MAN1A2: variants seen among roughly 807,000 people sequenced by gnomAD.
The protein encoded by MAN1A2 is mannosidase alpha class 1A member 2, also known as mannosyl-oligosaccharide 1,2-alpha-mannosidase IB.
MAN1A2 carries 26 observed loss-of-function variants against 75.7 expected under a neutral mutation model. The observed-to-expected ratio is 0.34, with a 90% CI of 0.25 to 0.48. The LOEUF (loss-of-function observed/expected upper bound fraction) is 0.48, where lower values mean the gene tolerates loss of function less well. MAN1A2 is among the 20% of genes least tolerant of loss of function. The pLI is 0.99. For synonymous variants in MAN1A2, 247 were observed against 264.6 expected, an observed-to-expected ratio of 0.93 and a Z score of 0.65; for missense variants, 562 against 775.5, an observed-to-expected ratio of 0.72 and a Z score of 3.27.
chr1:117,402,498 CAA>C, intron 2 of MAN1A2, 57 bp downstream of exon 2: 3 of 1,426,994 alleles, frequency 2.1e-6, no homozygotes, highest in Non-Finnish European at 1.9e-6. Flanking sequence ...TGGATACAAA[CAA>C]ATATATATAA....
At chr1:117,488,921 G>A (rs922418754) in intron 8 of MAN1A2, among the ~76,000 whole-genome samples, 7 of 151,984 alleles carry the variant, frequency 4.6e-5, no homozygotes, top group South Asian at 2.1e-4. Context: ...TTAGAGCATC[G>A]CTTAGCCCAG....
At position 117,526,776 on chromosome 1, in the gene MAN1A2, A is replaced by T. The variant is rs1652030892; in HGVS notation, c.*3819A>T. 3 of 147,322 alleles carry T rather than the reference A, an allele frequency of 2.0e-5. No individual in the cohort carries two copies. The highest frequency in any genetic ancestry group is 4.5e-5 in the Non-Finnish European group (3 of 66,900). The allele number at this position is 147,322 out of a possible 1,614,324, so 9.1% of individuals were successfully genotyped here. ...AAAGTTCCAAATAACAGTTCCTAGT[A>T]ATAGTATTTTGAGTTATTTTTCTTT... On this transcript the variant is annotated 3_prime_UTR_variant, in exon 13 of 13. Coordinates refer to ENST00000356554, the MANE Select transcript of MAN1A2 (RefSeq NM_006699.5).
intron 1 of MAN1A2, among the ~76,000 whole-genome samples, chr1:117,398,981 G>GTTTA: frequency 6.6e-6 from 1 of 152,264 alleles, no homozygotes; most frequent in Admixed American, 6.5e-5. Context: ...TATTACAGTA[G>GTTTA]TTTAGGTGAG....
At chr1:117,372,709 G>A (rs138010683) in intron 1 of MAN1A2, among the ~76,000 whole-genome samples, 132 of 151,578 alleles carry the variant, frequency 8.7e-4, no homozygotes, top group Middle Eastern at 3.5e-3. Context: ...AGTAATATAC[G>A]TAAGTATACT....
At position 117,402,275 on chromosome 1, in the gene MAN1A2, A is replaced by C. The variant is rs1243327588; in HGVS notation, c.392A>C (p.Glu131Ala). ...EAKEKLRKSR[E>A]EIRAEIQTEK... is the part of the protein sequence containing the mutation. ...AAAGAAAAATTAAGAAAGTCAAGAG[A>C]GGAAATTCGAGCAGAAATTCAGACA... Residue 131 changes from glutamate (E) to alanine (A), a missense_variant, in exon 2 of 13, where the codon GAG becomes GCG. Coordinates refer to ENST00000356554, the MANE Select transcript of MAN1A2 (RefSeq NM_006699.5). The C allele has an allele frequency of 2.5e-6, 4 of 1,613,894 alleles. No individual in the cohort carries two copies. Among genetic ancestry groups the C allele is most frequent in the Non-Finnish European group, 3.4e-6 (4 of 1,179,824 alleles).
Position 117,378,661 on chromosome 1 carries a change from C to T in MAN1A2, c.302+10176C>T, listed in dbSNP as rs116303007. ...GACTCTAAATTTTTTTGTTTACAGC[C>T]CCTGAAGTGGTTATTATACCAGTTT... is the stretch of plus-strand genomic sequence containing the variant. On this transcript the variant is annotated intron_variant, in intron 1 of 12. Transcript: ENST00000356554. Among the ~76,000 whole-genome samples, 910 of 152,072 alleles carry T rather than the reference C, an allele frequency of 6.0e-3. 12 individuals carry two copies. The highest frequency in any genetic ancestry group is 0.021 in the African/African-American group (859 of 41,456).
At chr1:117,437,609 A>T (rs1373363108) in intron 5 of MAN1A2, among the ~76,000 whole-genome samples, 2 of 152,208 alleles carry the variant, frequency 1.3e-5, no homozygotes, top group African/African-American at 4.8e-5. Flanking sequence ...GTCTAGGTTT[A>T]AATTCAGACT....
intron 3 of MAN1A2, among the ~76,000 whole-genome samples, chr1:117,406,754 T>C (rs1647631121): frequency 6.6e-6 from 1 of 152,124 alleles, no homozygotes. Flanking sequence ...TACTGCTTTG[T>C]GGATGTCACA....
intron 12 of MAN1A2, 57 bp from the exon 13 acceptor site, chr1:117,522,768 A>G (rs569016150): frequency 6.6e-7 from 1 of 1,510,568 alleles, no homozygotes; most frequent in East Asian, 2.3e-5. Context: ...AAGTGAGCTC[A>G]CTTCATGTTC....
At chr1:117,462,368 A>C (rs1466579793) in intron 7 of MAN1A2, among the ~76,000 whole-genome samples, 1 of 152,188 alleles carries the variant, frequency 6.6e-6, no homozygotes. Context: ...AGAATATGAT[A>C]CAATTTTTAT....
intron 6 of MAN1A2, among the ~76,000 whole-genome samples, chr1:117,445,882 G>A (rs367868018): frequency 0.44 from 57,238 of 131,386 alleles, 13,573 homozygotes; most frequent in Non-Finnish European, 0.52. Context: ...GTCTGTGTGT[G>A]TGTATATATA....
chr1:117,466,266 C>A, intron 7 of MAN1A2, 68 bp from the exon 8 acceptor site: 1 of 1,006,542 alleles, frequency 9.9e-7, no homozygotes, highest in Non-Finnish European at 1.5e-6. Flanking sequence ...AACACAAAGC[C>A]TACATTAAAA....
At chr1:117,442,841 T>C (rs1208185143) in intron 6 of MAN1A2, among the ~76,000 whole-genome samples, 2 of 152,202 alleles carry the variant, frequency 1.3e-5, no homozygotes, top group African/African-American at 4.8e-5. Flanking sequence ...TCTACACTAG[T>C]GAAGTTCAAA....
Position 117,493,191 on chromosome 1 carries a change from T to G in MAN1A2, c.1213T>G (p.Leu405Val). ...CCTGGGAGACAGTTTTTATGAATACTTACTGAAAGCATGGTTGATGTCAGA... is the reference window on the plus strand; with the variant it reads ...CCTGGGAGACAGTTTTTATGAATACGTACTGAAAGCATGGTTGATGTCAGA... ...GGLGDSFYEY[L>V]LKAWLMSDKT... Residue 405 changes from leucine to valine, a missense_variant, in exon 9 of 13, where the codon TTA becomes GTA. Physicochemically the swap from Leu to Val is conservative, Grantham distance 32. Coordinates refer to ENST00000356554, the MANE Select transcript of MAN1A2 (RefSeq NM_006699.5). The G allele has an allele frequency of 6.2e-7, 1 of 1,612,386 alleles. No individual in the cohort carries two copies. Among genetic ancestry groups the G allele is most frequent in the Non-Finnish European group, 8.5e-7 (1 of 1,179,022 alleles).
Position 117,429,409 on chromosome 1 carries a change from G to A in MAN1A2, c.855+8760G>A, listed in dbSNP as rs1440133475. On this transcript the variant is annotated intron_variant, in intron 5 of 12. Transcript: ENST00000356554. The stretch of plus-strand genomic sequence containing the variant: ...CAGAGGCGCCCCTCACCTCCCGGAC[G>A]GGGCGGCTGGCCGGGCAGGGGGGCT... 4.5e-5 allele frequency among the ~76,000 whole-genome samples: 6 copies of A among 134,096 alleles called. No individual in the cohort carries two copies. In the East Asian group the frequency reaches 1.1e-3, roughly 24 times the overall value. The allele number at this position is 134,096 out of a possible 152,430, so 88.0% of individuals were successfully genotyped here.
intron 6 of MAN1A2, among the ~76,000 whole-genome samples, chr1:117,455,717 A>T (rs1175681363): frequency 6.6e-6 from 1 of 152,052 alleles, no homozygotes; most frequent in Non-Finnish European, 1.5e-5. Flanking sequence ...TTCCAGAAGG[A>T]TAGATGAGAA....
At chr1:117,413,367 C>A (rs1045516101) in intron 3 of MAN1A2, among the ~76,000 whole-genome samples, 22 of 151,686 alleles carry the variant, frequency 1.5e-4, no homozygotes, top group African/African-American at 5.3e-4. Flanking sequence ...AGCTTTAAAT[C>A]ATTGGAAGAA....
At chr1:117,386,847 G>T (rs1653544196) in intron 1 of MAN1A2, among the ~76,000 whole-genome samples, 1 of 145,702 alleles carries the variant, frequency 6.9e-6, no homozygotes, top group Non-Finnish European at 1.5e-5. Context: ...GAAGCAGGAG[G>T]CTGTAGGGAG....
chr1:117,519,055 A>G (rs1285545628), intron 12 of MAN1A2, among the ~76,000 whole-genome samples: 3 of 152,152 alleles, frequency 2.0e-5, no homozygotes, highest in Non-Finnish European at 4.4e-5. Flanking sequence ...ATGCAAATAC[A>G]TAGAAATTAA....
Sources: allele counts gnomAD v4.1 joint callset (sites outside exome capture counted in the v4.1 genomes callset), GRCh38; gene constraint gnomAD v4.1.1; transcripts MANE v1.5; gene names NCBI Gene and HGNC (gene_info 2026-07-23, HGNC 2026-07-21).